Variants in FAM83A observed in about 807,000 individuals in gnomAD.
The protein encoded by FAM83A is scaffolding CK1 anchoring protein A.
Under a neutral mutation model 24.4 loss-of-function variants are expected in FAM83A, and 21 were observed. The observed-to-expected ratio is 0.86, with a 90% CI of 0.61 to 1.24. The LOEUF (loss-of-function observed/expected upper bound fraction) is 1.24. Among genes scored for constraint, FAM83A ranks in the 50% most tolerant of loss-of-function variants. The pLI, the probability that FAM83A is intolerant of heterozygous loss-of-function variation, is 0.00. For synonymous variants in FAM83A, 270 were observed against 252.4 expected, an observed-to-expected ratio of 1.07 and a Z score of -0.66; for missense variants, 617 against 579.8, an observed-to-expected ratio of 1.06 and a Z score of -0.66.
chr8:123,193,151 T>C (rs1293031768), intron 2 of FAM83A, among the ~76,000 whole-genome samples: 1 of 152,186 alleles, frequency 6.6e-6, no homozygotes, highest in African/African-American at 2.4e-5. Flanking sequence ...CAGCAGGTGC[T>C]ACAGGGAAGA....
upstream of FAM83A, chr8:123,181,935 G>A (rs1823607667): frequency 2.3e-6 from 1 of 429,150 alleles, no homozygotes; most frequent in Non-Finnish European, 4.8e-6. Context: ...CCATCCCATT[G>A]CCAGATCACG....
chr8:123,191,927 A>C, exon 2 of FAM83A: 1 of 1,614,178 alleles, frequency 6.2e-7, no homozygotes, highest in Non-Finnish European at 8.5e-7. Flanking sequence ...AAGCTCTTCC[A>C]GGAGATGTGT....
At chr8:123,197,856 G>A (rs1485343390) in intron 3 of FAM83A, among the ~76,000 whole-genome samples, 2 of 152,240 alleles carry the variant, frequency 1.3e-5, no homozygotes, top group Non-Finnish European at 2.9e-5. Flanking sequence ...TGGGCCGGGT[G>A]CAGTGGCTCA....
At chr8:123,207,426 G>T in exon 4 of FAM83A, 1 of 1,609,154 alleles carries the variant, frequency 6.2e-7, no homozygotes, top group South Asian at 1.1e-5. Context: ...GGTACCCGAA[G>T]TGTGTCCGCG....
chr8:123,186,655 C>T (rs1563780311), intron 1 of FAM83A, among the ~76,000 whole-genome samples: 1 of 152,108 alleles, frequency 6.6e-6, no homozygotes, highest in Non-Finnish European at 1.5e-5. Flanking sequence ...GATGGTGAAA[C>T]CCCGTCCCTA....
intron 3 of FAM83A, among the ~76,000 whole-genome samples, chr8:123,205,482 A>C (rs1824518434): frequency 6.6e-6 from 1 of 152,192 alleles, no homozygotes; most frequent in Non-Finnish European, 1.5e-5. Context: ...ATTTAAACAA[A>C]GCCTCATTGC....
exon 4 of FAM83A, chr8:123,207,163 C>A: frequency 6.3e-7 from 1 of 1,582,562 alleles, no homozygotes; most frequent in Admixed American, 1.7e-5. Flanking sequence ...CCAGCTTCAC[C>A]TGGCTCTGCG....
rs1823758095 is a variant in FAM83A at position 123,185,350 on chromosome 8, G to C, written c.480+2014G>C. Among the ~76,000 whole-genome samples the C allele has an allele frequency of 2.6e-5, 4 of 152,176 alleles. No homozygotes were observed. In the South Asian group the frequency reaches 8.3e-4, roughly 32 times the overall value. Reference sequence around the variant, plus strand: ...CTGTTGGGGGAAATTGTCAATCGCAGCTGCTCGAAGGGTGAGGAAGGATCC... The same window carrying C: ...CTGTTGGGGGAAATTGTCAATCGCACCTGCTCGAAGGGTGAGGAAGGATCC... On this transcript the variant is annotated intron_variant, in intron 1 of 3. Coordinates refer to ENST00000690554, the Ensembl canonical transcript of FAM83A.
chr8:123,183,304 C>A (rs1823678055), exon 1 of FAM83A: 2 of 1,612,928 alleles, frequency 1.2e-6, no homozygotes, highest in Non-Finnish European at 8.5e-7. Flanking sequence ...CATCAGAGAC[C>A]TCGTCCGCCG....
chr8:123,203,106 C>A (rs1163452386), intron 3 of FAM83A, among the ~76,000 whole-genome samples: 2 of 152,016 alleles, frequency 1.3e-5, no homozygotes, highest in Non-Finnish European at 2.9e-5. Flanking sequence ...GGGATTACTA[C>A]CCACCATGCA....
At chr8:123,186,174 TGGAA>T (rs540113012) in intron 1 of FAM83A, among the ~76,000 whole-genome samples, 21 of 151,578 alleles carry the variant, frequency 1.4e-4, no homozygotes, top group Non-Finnish European at 2.1e-4. Context: ...TTTTTAAGAG[TGGAA>T]GGAAGGGTTT....
intron 1 of FAM83A, among the ~76,000 whole-genome samples, chr8:123,185,484 C>T (rs1823762518): frequency 6.6e-6 from 1 of 152,264 alleles, no homozygotes; most frequent in Non-Finnish European, 1.5e-5. Flanking sequence ...AGGACCCTGA[C>T]ACCGCTGATG....
At chr8:123,183,208 C>T (rs1315100056) in exon 1 of FAM83A, 1 of 1,613,650 alleles carries the variant, frequency 6.2e-7, no homozygotes, top group East Asian at 2.2e-5. Flanking sequence ...GCCGGCCCTA[C>T]TGCACAGCTG....
At chr8:123,191,875 C>A in exon 2 of FAM83A, 11 of 1,614,104 alleles carry the variant, frequency 6.8e-6, no homozygotes, top group Non-Finnish European at 8.5e-6. Flanking sequence ...AGCCAACAAG[C>A]GTGGGGTGTT....
intron 3 of FAM83A, among the ~76,000 whole-genome samples, chr8:123,204,020 G>A (rs1020023834): frequency 1.3e-4 from 19 of 151,850 alleles, no homozygotes; most frequent in African/African-American, 4.1e-4. Context: ...AAGCAAGGGC[G>A]TTATGATCAC....
chr8:123,190,248 A>C (rs1408810889), intron 1 of FAM83A, among the ~76,000 whole-genome samples: 1 of 152,058 alleles, frequency 6.6e-6, no homozygotes, highest in African/African-American at 2.4e-5. Flanking sequence ...TAACATTTTA[A>C]ATTTTTATGT....
intron 1 of FAM83A, among the ~76,000 whole-genome samples, chr8:123,191,068 T>C (rs1823958988): frequency 6.6e-6 from 1 of 152,112 alleles, no homozygotes; most frequent in Non-Finnish European, 1.5e-5. Flanking sequence ...CCATATCCAG[T>C]CAAAGAATGG....
intron 3 of FAM83A, among the ~76,000 whole-genome samples, chr8:123,205,913 G>C (rs548189255): frequency 5.6e-4 from 86 of 152,302 alleles, no homozygotes; most frequent in African/African-American, 1.6e-3. Flanking sequence ...GGGAGGCCGA[G>C]GCGGGCGGAT....
chr8:123,205,179 C>T (rs777102810), intron 3 of FAM83A, among the ~76,000 whole-genome samples: 16 of 152,118 alleles, frequency 1.1e-4, no homozygotes, highest in Non-Finnish European at 1.6e-4. Flanking sequence ...GCAGGTGTGG[C>T]GGGGCTCTGG....
Sources: gnomAD v4.1 joint callset for allele counts (sites outside exome capture counted in the v4.1 genomes callset) on GRCh38, gnomAD v4.1.1 for gene constraint, MANE v1.5 for transcripts, NCBI Gene and HGNC (gene_info 2026-07-23, HGNC 2026-07-21) for gene names.